The following DCC variants were observed in gnomAD, a reference collection of about 807,000 sequenced individuals.
The protein encoded by DCC is DCC netrin 1 receptor.
DCC carries 58 observed loss-of-function variants against 172.5 expected under a neutral mutation model. The observed-to-expected ratio is 0.34, with a 90% CI of 0.27 to 0.42. The LOEUF is 0.42. Ranked by LOEUF, DCC falls within the 10% of genes least tolerant of loss-of-function variation. DCC has a pLI of 1.00. For synonymous variants in DCC, 709 were observed against 644.5 expected (o/e 1.10, Z -1.52); for missense variants, 1,740 against 1,791.0 (o/e 0.97, Z 0.51).
chr18:52,785,316 A>G (rs2037635251), intron 2 of DCC, among the ~76,000 whole-genome samples: 1 of 152,086 alleles, frequency 6.6e-6, no homozygotes, highest in African/African-American at 2.4e-5. Context: ...GTCTGTCTGC[A>G]GCTCTACTTT....
chr18:53,433,224 A>C (rs1344830007), intron 21 of DCC, among the ~76,000 whole-genome samples: 1 of 152,138 alleles, frequency 6.6e-6, no homozygotes, highest in Non-Finnish European at 1.5e-5. Context: ...CTACCTATTG[A>C]AATTCACGAT....
chr18:52,801,111 A>G (rs1368640760), intron 2 of DCC, among the ~76,000 whole-genome samples: 1 of 152,170 alleles, frequency 6.6e-6, no homozygotes, highest in Non-Finnish European at 1.5e-5. Context: ...CCTGGGCTGG[A>G]ACTTTCAATG....
intron 1 of DCC, among the ~76,000 whole-genome samples, chr18:52,677,141 C>T (rs2144982133): frequency 6.6e-6 from 1 of 152,200 alleles, no homozygotes; most frequent in South Asian, 2.1e-4. Flanking sequence ...TGAAACGGGC[C>T]TTAATTCTTG....
intron 1 of DCC, among the ~76,000 whole-genome samples, chr18:52,489,542 C>G (rs1480275346): frequency 6.6e-6 from 1 of 152,074 alleles, no homozygotes; most frequent in Admixed American, 6.6e-5. Flanking sequence ...AAGATTGATT[C>G]TCAGTAGCCG....
intron 13 of DCC, among the ~76,000 whole-genome samples, chr18:53,308,504 A>T (rs1241084230): frequency 6.6e-6 from 1 of 152,206 alleles, no homozygotes; most frequent in Non-Finnish European, 1.5e-5. Flanking sequence ...ATTTCTTCCC[A>T]CTAATGCTAA....
At chr18:53,449,579 G>A (rs1262180566) in intron 22 of DCC, among the ~76,000 whole-genome samples, 1 of 152,286 alleles carries the variant, frequency 6.6e-6, no homozygotes, top group East Asian at 1.9e-4. Context: ...TAAATTGTGA[G>A]TGATTGGTAT....
intron 2 of DCC, among the ~76,000 whole-genome samples, chr18:52,873,163 G>A (rs992457943): frequency 2.0e-5 from 3 of 152,072 alleles, no homozygotes; most frequent in Admixed American, 6.5e-5. Flanking sequence ...GTCACTCCCC[G>A]ATAAACTGTA....
chr18:53,162,350 C>T (rs1478781865), intron 8 of DCC, among the ~76,000 whole-genome samples: 1 of 151,868 alleles, frequency 6.6e-6, no homozygotes, highest in African/African-American at 2.4e-5. Flanking sequence ...CTGAGACCTA[C>T]CACTTCTTAC....
At chr18:53,493,902 C>A (rs2045988538) in intron 26 of DCC, among the ~76,000 whole-genome samples, 1 of 152,028 alleles carries the variant, frequency 6.6e-6, no homozygotes, top group Non-Finnish European at 1.5e-5. Flanking sequence ...TTCTCTAGTT[C>A]TTTTAATTGT....
intron 18 of DCC, among the ~76,000 whole-genome samples, chr18:53,402,222 A>G (rs2145035625): frequency 6.6e-6 from 1 of 152,172 alleles, no homozygotes; most frequent in East Asian, 1.9e-4. Context: ...CCATCTCTAC[A>G]AAAATCAAAA....
chr18:53,478,708 C>T (rs2045796993), intron 25 of DCC, among the ~76,000 whole-genome samples: 1 of 152,178 alleles, frequency 6.6e-6, no homozygotes, highest in Non-Finnish European at 1.5e-5. Flanking sequence ...ACTATGAGAG[C>T]CAATGCTCTC....
intron 7 of DCC, among the ~76,000 whole-genome samples, chr18:53,079,069 ATTCT>A (rs2042762480): frequency 1.3e-5 from 2 of 152,138 alleles, no homozygotes; most frequent in African/African-American, 2.4e-5. Flanking sequence ...AGGAAGACTG[ATTCT>A]TTCTTTAAGT....
At chr18:52,585,874 G>A (rs558001008) in intron 1 of DCC, among the ~76,000 whole-genome samples, 3 of 152,180 alleles carry the variant, frequency 2.0e-5, no homozygotes, top group African/African-American at 7.2e-5. Context: ...ACGAGGTTAG[G>A]TGATCAAGAC....
Position 52,769,764 on chromosome 18 carries a change from T to C in DCC, c.412+17390T>C, listed in dbSNP as rs1290359688. ...TTCATTTTGAGTTAAGTTTGTGAAG[T>C]ATGTAAGGTCTGTGTCTAGATTATT... On this transcript the variant is annotated intron_variant, in intron 2 of 28. Coordinates refer to ENST00000442544, the MANE Select transcript of DCC (RefSeq NM_005215.4). Among the ~76,000 whole-genome samples the C allele has an allele frequency of 2.0e-5, 3 of 152,308 alleles. No homozygotes were observed. The South Asian group carries it at 6.2e-4, about 32-fold the overall frequency.
At chr18:52,879,170 TGAAA>T (rs2039443806) in intron 2 of DCC, among the ~76,000 whole-genome samples, 3 of 152,178 alleles carry the variant, frequency 2.0e-5, no homozygotes, top group Admixed American at 1.3e-4. Flanking sequence ...TAAAGGAAAG[TGAAA>T]GAAAGCTCTT....
intron 2 of DCC, among the ~76,000 whole-genome samples, chr18:52,843,943 T>C (rs891076571): frequency 3.9e-5 from 6 of 152,138 alleles, no homozygotes; most frequent in Non-Finnish European, 5.9e-5. Context: ...TTAATCCTCC[T>C]TAGAAAATTA....
At chr18:53,012,619 A>G (rs1368223049) in intron 5 of DCC, among the ~76,000 whole-genome samples, 2 of 152,072 alleles carry the variant, frequency 1.3e-5, no homozygotes, top group Non-Finnish European at 2.9e-5. Context: ...ACACATACAC[A>G]TATGAATATT....
chr18:53,078,470 T>G (rs1430686339), intron 7 of DCC, among the ~76,000 whole-genome samples: 1 of 152,180 alleles, frequency 6.6e-6, no homozygotes, highest in South Asian at 2.1e-4. Context: ...GGTTTGACCC[T>G]ATCTTACGAG....
chr18:53,463,873 C>T (rs1305997381), intron 24 of DCC, among the ~76,000 whole-genome samples: 2 of 152,160 alleles, frequency 1.3e-5, no homozygotes, highest in East Asian at 3.9e-4. Flanking sequence ...CATACTTTAG[C>T]TATGGAAAAG....
Sources: allele counts gnomAD v4.1 joint callset (sites outside exome capture counted in the v4.1 genomes callset), GRCh38; gene constraint gnomAD v4.1.1; transcripts MANE v1.5; gene names NCBI Gene and HGNC (gene_info 2026-07-23, HGNC 2026-07-21).